Variants in TMEM71 observed in about 807,000 individuals in gnomAD.
TMEM71 encodes the protein transmembrane protein 71.
Under a neutral mutation model 38.0 loss-of-function variants are expected in TMEM71, and 44 were observed. That is an observed-to-expected ratio of 1.16 (90% CI 0.91 to 1.49). TMEM71 has a LOEUF of 1.49. TMEM71 is among the 40% of genes most tolerant of loss of function. TMEM71 has a pLI of 0.00. For synonymous variants in TMEM71, 133 were observed against 122.5 expected (o/e 1.09, Z -0.56); for missense variants, 367 against 348.6 (o/e 1.05, Z -0.42).
At chr8:132,749,705 A>G (rs908385433) in intron 4 of TMEM71, among the ~76,000 whole-genome samples, 1 of 152,188 alleles carries the variant, frequency 6.6e-6, no homozygotes, top group African/African-American at 2.4e-5. Context: ...CTCATGCTGG[A>G]CAATTACATG....
At chr8:132,734,662 AAGG>A (rs1827646939) in intron 5 of TMEM71, among the ~76,000 whole-genome samples, 1 of 152,236 alleles carries the variant, frequency 6.6e-6, no homozygotes, top group Non-Finnish European at 1.5e-5. Context: ...AAAAACGATC[AAGG>A]AGATTTTTCA....
At chr8:132,718,060 A>C (rs7387843) in intron 7 of TMEM71, among the ~76,000 whole-genome samples, 84,214 of 151,996 alleles carry the variant, frequency 0.55, 25,785 homozygotes, top group African/African-American at 0.83. Flanking sequence ...GACAGAAAGT[A>C]CATTAGTGGT....
intron 1 of TMEM71, 188 bp downstream of exon 1, chr8:132,760,288 A>G (rs575529540): frequency 6.6e-6 from 1 of 152,394 alleles, no homozygotes; most frequent in African/African-American, 2.4e-5. Flanking sequence ...TAATGTGTGC[A>G]TACGTGTTCC....
At position 132,742,308 on chromosome 8, in the gene TMEM71, G is replaced by A. The variant is rs929583906; in HGVS notation, c.487+4634C>T. On this transcript the variant is annotated intron_variant, in intron 5 of 9. Coordinates refer to ENST00000677595, the MANE Select transcript of TMEM71 (RefSeq NM_001382403.1). ...TGCCTCGGCGCCTGGATGGCTTGCC[G>A]CCCACACAGTGAGCCAAGATCGCGC... 1.2e-4 allele frequency among the ~76,000 whole-genome samples: 19 copies of A among 152,188 alleles called. 1 individual carries two copies. In the East Asian group the frequency reaches 1.4e-3, roughly 11 times the overall value.
At chr8:132,746,565 G>A (rs2131155758) in intron 5 of TMEM71, among the ~76,000 whole-genome samples, 1 of 150,318 alleles carries the variant, frequency 6.7e-6, no homozygotes, top group Non-Finnish European at 1.5e-5. Flanking sequence ...TACTATCCAA[G>A]TGTACTCATA....
the TMEM71 span, among the ~76,000 whole-genome samples, chr8:132,772,934 T>A: frequency 6.6e-6 from 1 of 152,230 alleles, no homozygotes; most frequent in African/African-American, 2.4e-5. Context: ...TAAAATGAGA[T>A]AGACTCTTGA....
the TMEM71 span, among the ~76,000 whole-genome samples, chr8:132,773,977 C>T: frequency 2.6e-5 from 4 of 152,110 alleles, no homozygotes; most frequent in Non-Finnish European, 4.4e-5. Context: ...GGCCTTGGTT[C>T]ATCATAATCT....
chr8:132,737,624 C>A (rs555011520), intron 5 of TMEM71, among the ~76,000 whole-genome samples: 4 of 152,178 alleles, frequency 2.6e-5, no homozygotes, highest in Non-Finnish European at 5.9e-5. Flanking sequence ...TTAGCTTCTT[C>A]CCCTGGAAAA....
chr8:132,765,630 C>T (rs1272148563), upstream of TMEM71, among the ~76,000 whole-genome samples: 2 of 152,080 alleles, frequency 1.3e-5, no homozygotes, highest in African/African-American at 4.8e-5. Context: ...AGCACCCCTC[C>T]TAAGAAACAG....
chr8:132,726,094 C>T (rs1827126304), intron 6 of TMEM71, among the ~76,000 whole-genome samples: 1 of 152,158 alleles, frequency 6.6e-6, no homozygotes, highest in African/African-American at 2.4e-5. Context: ...CAGAGGCAAA[C>T]ATGCAGTGAC....
chr8:132,739,968 G>C (rs934701764), intron 5 of TMEM71, among the ~76,000 whole-genome samples: 14 of 152,116 alleles, frequency 9.2e-5, no homozygotes, highest in Non-Finnish European at 1.5e-4. Flanking sequence ...GCCTCTTAAC[G>C]TGTTTCTTGC....
At position 132,713,978 on chromosome 8, in the gene TMEM71, A is replaced by G; in HGVS notation, c.872+17T>C. The G allele has an allele frequency of 6.2e-7, 1 of 1,612,598 alleles. No homozygotes were observed. Among genetic ancestry groups the G allele is most frequent in the Non-Finnish European group, 8.5e-7 (1 of 1,178,824 alleles). On this transcript the variant is annotated intron_variant, in intron 9 of 9. Coordinates refer to ENST00000677595, the MANE Select transcript of TMEM71 (RefSeq NM_001382403.1). ...CACCTTGGTCCAGACAATAATGATG[A>G]CACAGGCAACACTTACCGAGCACAG...
Position 132,747,055 on chromosome 8 carries a change from G to GT in TMEM71, c.373dup (p.Thr125AsnfsTer13). ...ACTTCCATGCAGCCAAGATTTGGAGGTACTGAGGTTGAAGAGAGAAGAAAA... is the reference window on the plus strand; with the variant it reads ...ACTTCCATGCAGCCAAGATTTGGAGGTTACTGAGGTTGAAGAGAGAAGAAAA... On this transcript the variant is annotated frameshift_variant, in exon 5 of 10. Transcript: ENST00000677595. LOFTEE classifies it high-confidence loss of function. 1 of 1,613,522 alleles carries GT rather than the reference G, an allele frequency of 6.2e-7. No homozygotes were observed. Among genetic ancestry groups the GT allele is most frequent in the African/African-American group, 1.3e-5 (1 of 75,010 alleles).
intron 9 of TMEM71, among the ~76,000 whole-genome samples, chr8:132,712,094 T>C (rs998067234): frequency 6.6e-6 from 1 of 152,182 alleles, no homozygotes; most frequent in African/African-American, 2.4e-5. Context: ...ATTTAATGAA[T>C]ATGTACAGAG....
At chr8:132,769,507 C>T in the TMEM71 span, among the ~76,000 whole-genome samples, 1 of 152,164 alleles carries the variant, frequency 6.6e-6, no homozygotes, top group Non-Finnish European at 1.5e-5. Context: ...GTGTGTGTCT[C>T]CCTGTCCCCT....
At chr8:132,742,603 C>A (rs890593706) in intron 5 of TMEM71, among the ~76,000 whole-genome samples, 1 of 152,200 alleles carries the variant, frequency 6.6e-6, no homozygotes, top group South Asian at 2.1e-4. Flanking sequence ...AGGTTAGGGT[C>A]ATGTCTTACT....
In TMEM71 at chr8:132,751,983, G is replaced by T; in HGVS notation, c.116C>A (p.Ser39Tyr). 2 of 1,614,038 alleles carry T rather than the reference G, an allele frequency of 1.2e-6. No homozygotes were observed. Among genetic ancestry groups the T allele is most frequent in the South Asian group, 1.1e-5 (1 of 91,074 alleles). ...TTCAAAAGAATGGTAACCATCCAGG[G>T]AATCACAGGTGAAACTAAGAAGGAA... ...TCIFPSFTCD[S>Y]LDGYHSFECG... Residue 39 changes from serine (S) to tyrosine (Y), a missense_variant, in exon 4 of 10, where the codon TCC becomes TAC. Physicochemically the swap from Ser to Tyr is moderately radical, Grantham distance 144. Transcript: ENST00000677595.
At chr8:132,757,731 C>G (rs1829106039) in intron 2 of TMEM71, among the ~76,000 whole-genome samples, 1 of 149,986 alleles carries the variant, frequency 6.7e-6, no homozygotes, top group South Asian at 2.1e-4. Context: ...GAGGCTGAGG[C>G]AGGAGAATGG....
chr8:132,721,092 C>G (rs571232090), intron 7 of TMEM71, among the ~76,000 whole-genome samples: 1 of 152,082 alleles, frequency 6.6e-6, no homozygotes, highest in Non-Finnish European at 1.5e-5. Flanking sequence ...GACATTTGAA[C>G]GGATTTTGTA....
Sources: gnomAD v4.1 joint callset for allele counts (sites outside exome capture counted in the v4.1 genomes callset) on GRCh38, gnomAD v4.1.1 for gene constraint, MANE v1.5 for transcripts, NCBI Gene and HGNC (gene_info 2026-07-23, HGNC 2026-07-21) for gene names.